NIPBL: variants seen among roughly 807,000 people sequenced by gnomAD.
NIPBL encodes the protein nipped-B-like protein.
In NIPBL, 19 loss-of-function variants were observed where a neutral mutation model predicts 321.8. The observed-to-expected ratio is 0.06, with a 90% CI of 0.04 to 0.09. The LOEUF is 0.09. Ranked by LOEUF, NIPBL falls within the 10% of genes least tolerant of loss-of-function variation. NIPBL has a pLI of 1.00. For synonymous variants in NIPBL, 1,106 were observed against 1,114.1 expected, an observed-to-expected ratio of 0.99 and a Z score of 0.14; for missense variants, 2,210 against 3,327.0, an observed-to-expected ratio of 0.66 and a Z score of 8.26.
intron 1 of NIPBL, chr5:36,885,812 G>A (rs1477453755): frequency 1.5e-6 from 1 of 651,024 alleles, no homozygotes. Flanking sequence ...GACAGACATC[G>A]AGGCTCTCAG....
At position 36,955,655 on chromosome 5, in the gene NIPBL, T is replaced by C. The variant is rs775446742; in HGVS notation, c.230+18T>C. On this transcript the variant is annotated intron_variant, in intron 3 of 46. Coordinates refer to ENST00000282516, the MANE Select transcript of NIPBL (RefSeq NM_133433.4). The stretch of plus-strand genomic sequence containing the variant: ...GATCACATGTAAGTATGATCAATTT[T>C]ATATCTACTATAAGTGAAAAGTTTT... 2 of 1,606,198 alleles carry C rather than the reference T, an allele frequency of 1.2e-6. No homozygotes were observed. Among genetic ancestry groups the C allele is most frequent in the Middle Eastern group, 1.7e-4 (1 of 6,048 alleles).
chr5:36,962,047 T>C, intron 5 of NIPBL, 76 bp from the exon 6 acceptor site: 1 of 1,532,460 alleles, frequency 6.5e-7, no homozygotes, highest in Non-Finnish European at 9.0e-7. Context: ...CAGAGGACTT[T>C]GTGACAGTCA....
In NIPBL at chr5:36,893,088, A is replaced by G. The variant is rs577071995; in HGVS notation, c.-80+15910A>G. Among the ~76,000 whole-genome samples the G allele has an allele frequency of 3.3e-5, 5 of 152,076 alleles. No individual in the cohort carries two copies. The South Asian group carries it at 8.3e-4, about 25-fold the overall frequency. ...ACATAATGAATGTTCTTTAATAACT[A>G]TTTTCTATTGTGCAAAGTTCTCTTA... On this transcript the variant is annotated intron_variant, in intron 1 of 46. Transcript: ENST00000282516.
chr5:37,044,984 A>G (rs1427093051), intron 36 of NIPBL, among the ~76,000 whole-genome samples: 1 of 152,092 alleles, frequency 6.6e-6, no homozygotes, highest in Non-Finnish European at 1.5e-5. Context: ...TAAAATTTAA[A>G]TTTTCTTACA....
At chr5:36,965,560 A>C (rs1432753741) in intron 6 of NIPBL, among the ~76,000 whole-genome samples, 2 of 152,230 alleles carry the variant, frequency 1.3e-5, no homozygotes, top group African/African-American at 4.8e-5. Flanking sequence ...AATGGGGACA[A>C]ATATACTGTC....
At chr5:37,033,542 T>A (rs1225974767) in intron 32 of NIPBL, among the ~76,000 whole-genome samples, 1 of 130,874 alleles carries the variant, frequency 7.6e-6, no homozygotes, top group Non-Finnish European at 1.6e-5. Context: ...GTTGGGATAT[T>A]TGACTGTCCA....
intron 45 of NIPBL, among the ~76,000 whole-genome samples, chr5:37,062,489 G>A (rs1369432942): frequency 6.6e-6 from 1 of 151,998 alleles, no homozygotes; most frequent in Non-Finnish European, 1.5e-5. Flanking sequence ...CCAAGGACCG[G>A]GGAAGGAAAG....
At chr5:37,013,777 G>T (rs1370592675) in intron 21 of NIPBL, among the ~76,000 whole-genome samples, 2 of 151,846 alleles carry the variant, frequency 1.3e-5, no homozygotes, top group African/African-American at 4.8e-5. Flanking sequence ...GCGGCCAGGC[G>T]GAGATGCTCC....
chr5:37,021,558 G>T (rs1167149613), intron 27 of NIPBL, among the ~76,000 whole-genome samples: 1 of 151,852 alleles, frequency 6.6e-6, no homozygotes, highest in Non-Finnish European at 1.5e-5. Context: ...GCATGTGCCT[G>T]TAGTCCCAGC....
intron 34 of NIPBL, among the ~76,000 whole-genome samples, chr5:37,043,318 G>A (rs1311779819): frequency 2.0e-5 from 3 of 151,636 alleles, no homozygotes; most frequent in African/African-American, 2.4e-5. Flanking sequence ...TCACGAGGTC[G>A]TGAGTCCTAG....
Position 36,995,680 on chromosome 5 carries a change from G to T in NIPBL, c.3180G>T (p.Glu1060Asp), listed in dbSNP as rs768918033. The T allele has an allele frequency of 6.2e-7, 1 of 1,613,542 alleles. No individual in the cohort carries two copies. The highest frequency in any genetic ancestry group is 8.5e-7 in the Non-Finnish European group (1 of 1,179,716). ...ELPPELLAEI[E>D]STMPLCERVK... ...CCCCTGAACTCCTGGCAGAAATTGA[G>T]TCCACCATGCCACTTTGTGAACGTG... Residue 1060 changes from glutamate to aspartate, a missense_variant, in exon 11 of 47, where the codon GAG becomes GAT. By Grantham distance (45) the Glu-to-Asp change is conservative. Transcript: ENST00000282516.
chr5:36,977,136 T>C (rs1743566146), intron 9 of NIPBL, among the ~76,000 whole-genome samples: 1 of 152,050 alleles, frequency 6.6e-6, no homozygotes, highest in Non-Finnish European at 1.5e-5. Context: ...TTTCATGTTT[T>C]AAGAGACTGA....
At chr5:36,951,103 C>T (rs1740237125) in intron 1 of NIPBL, among the ~76,000 whole-genome samples, 1 of 152,138 alleles carries the variant, frequency 6.6e-6, no homozygotes, top group Non-Finnish European at 1.5e-5. Flanking sequence ...GCTCTCCCGC[C>T]CTTTCCCCTT....
intron 16 of NIPBL, among the ~76,000 whole-genome samples, chr5:37,005,177 T>G (rs1357955713): frequency 6.6e-6 from 1 of 152,232 alleles, no homozygotes; most frequent in East Asian, 1.9e-4. Flanking sequence ...GCCAAAAGAT[T>G]GGACACTTCT....
At chr5:36,952,053 T>TGTGTGTGCGTGCGTGCGC (rs778597604) in intron 1 of NIPBL, among the ~76,000 whole-genome samples, 5 of 112,214 alleles carry the variant, frequency 4.5e-5, no homozygotes, top group Non-Finnish European at 9.3e-5. Flanking sequence ...TGTGTGTGTG[T>TGTGTGTGCGTGCGTGCGC]GCGCGCGCGC....
chr5:36,989,359 T>C (rs1745207430), intron 10 of NIPBL, among the ~76,000 whole-genome samples: 1 of 152,156 alleles, frequency 6.6e-6, no homozygotes, highest in Non-Finnish European at 1.5e-5. Flanking sequence ...TCCATCACCA[T>C]GTTTATTCCT....
At chr5:36,993,879 C>G (rs1224257602) in intron 10 of NIPBL, among the ~76,000 whole-genome samples, 1 of 151,876 alleles carries the variant, frequency 6.6e-6, no homozygotes, top group Non-Finnish European at 1.5e-5. Flanking sequence ...AAATTGTGAA[C>G]CAGAGTTAGG....
chr5:36,981,134 G>A (rs1744086635), intron 9 of NIPBL, among the ~76,000 whole-genome samples: 1 of 151,670 alleles, frequency 6.6e-6, no homozygotes, highest in Admixed American at 6.6e-5. Context: ...TACAACTGTT[G>A]TATTACTACT....
intron 37 of NIPBL, among the ~76,000 whole-genome samples, chr5:37,045,878 A>C (rs1194975399): frequency 6.6e-6 from 1 of 152,204 alleles, no homozygotes; most frequent in African/African-American, 2.4e-5. Context: ...TTTTAAAAAA[A>C]ATTTTTTTCA....
Sources: gnomAD v4.1 joint callset for allele counts (sites outside exome capture counted in the v4.1 genomes callset) on GRCh38, gnomAD v4.1.1 for gene constraint, MANE v1.5 for transcripts, NCBI Gene and HGNC (gene_info 2026-07-23, HGNC 2026-07-21) for gene names.